The following GPC5 variants were observed in gnomAD, a reference collection of about 807,000 sequenced individuals.
GPC5 encodes glypican 5, also known as glypican-5.
Under a neutral mutation model 53.9 loss-of-function variants are expected in GPC5, and 47 were observed. The observed-to-expected ratio is 0.87, with a 90% CI of 0.69 to 1.11. The LOEUF (loss-of-function observed/expected upper bound fraction) is 1.11, where lower values mean the gene tolerates loss of function less well. Among genes scored for constraint, GPC5 ranks in the 50% most tolerant of loss-of-function variants. The pLI is 0.00. For synonymous variants in GPC5, 286 were observed against 263.3 expected (o/e 1.09, Z -0.84); for missense variants, 748 against 713.1 (o/e 1.05, Z -0.56).
At chr13:91,686,707 G>T (rs73612033) in intron 2 of GPC5, among the ~76,000 whole-genome samples, 3,632 of 151,958 alleles carry the variant, frequency 0.024, 149 homozygotes, top group African/African-American at 0.082. Context: ...TCATTGTAAC[G>T]TGTGTGATAA....
chr13:92,503,772 A>C (rs1179100735), intron 7 of GPC5, among the ~76,000 whole-genome samples: 1 of 151,900 alleles, frequency 6.6e-6, no homozygotes, highest in Non-Finnish European at 1.5e-5. Context: ...AATTGCATGA[A>C]ATATATTAAT....
rs919800339 is a variant in GPC5, at chr13:91,728,513, A to T, written c.1021-19A>T. 6.2e-7 allele frequency: 1 copy of T among 1,602,716 alleles called. No homozygotes were observed. The highest frequency in any genetic ancestry group is 8.5e-7 in the Non-Finnish European group (1 of 1,174,668). ...GGAGTACGATTTCTAACTACCTTTT[A>T]ATGTTTTCTATTTAAAAGGTAAATA... On this transcript the variant is annotated intron_variant, in intron 3 of 7. Coordinates refer to ENST00000377067, the MANE Select transcript of GPC5 (RefSeq NM_004466.6).
intron 7 of GPC5, among the ~76,000 whole-genome samples, chr13:92,449,797 A>G (rs1471727244): frequency 6.6e-6 from 1 of 152,120 alleles, no homozygotes; most frequent in Non-Finnish European, 1.5e-5. Flanking sequence ...AAAACAAAAA[A>G]TTATTTAGCA....
At chr13:91,756,545 C>A (rs984036409) in intron 5 of GPC5, 125 bp downstream of exon 5, 5 of 786,984 alleles carry the variant, frequency 6.4e-6, no homozygotes, top group Non-Finnish European at 9.2e-6. Context: ...AAATACTTAT[C>A]TTTAGTTTGT....
At chr13:92,135,504 C>T (rs1302571220) in intron 6 of GPC5, among the ~76,000 whole-genome samples, 1 of 152,050 alleles carries the variant, frequency 6.6e-6, no homozygotes, top group African/African-American at 2.4e-5. Flanking sequence ...GGTATGAGGG[C>T]TTAGAAGGTG....
chr13:92,052,696 A>T (rs1286413165), intron 6 of GPC5, among the ~76,000 whole-genome samples: 1 of 152,202 alleles, frequency 6.6e-6, no homozygotes, highest in Non-Finnish European at 1.5e-5. Flanking sequence ...AGCTAGACAG[A>T]AAAGTTTTCC....
rs3059952 is a variant in GPC5, at chr13:92,009,253, CGT to C, written c.1401+101227_1401+101228del. On this transcript the variant is annotated intron_variant, in intron 6 of 7. Coordinates refer to ENST00000377067, the MANE Select transcript of GPC5 (RefSeq NM_004466.6). ...TTTTATCTGTTGAGTGCTGGATTTT[CGT>C]GTGTGTGTGTGTGTGTGTGTGTGTG... 1.5e-3 allele frequency among the ~76,000 whole-genome samples: 214 copies of C among 139,812 alleles called. 2 individuals are homozygous for C. The highest frequency in any genetic ancestry group is 6.2e-3 in the Admixed American group (86 of 13,912). The allele number at this position is 139,812 out of a possible 152,430, so 91.7% of individuals were successfully genotyped here.
At chr13:91,557,606 A>G (rs952593126) in intron 2 of GPC5, among the ~76,000 whole-genome samples, 2 of 152,228 alleles carry the variant, frequency 1.3e-5, no homozygotes, top group Admixed American at 6.5e-5. Context: ...CTTGACTCCA[A>G]TTCTCTACTG....
At chr13:91,999,130 G>C (rs2040531444) in intron 6 of GPC5, among the ~76,000 whole-genome samples, 1 of 152,058 alleles carries the variant, frequency 6.6e-6, no homozygotes, top group Non-Finnish European at 1.5e-5. Flanking sequence ...TGTGGAATCA[G>C]CTTTCCTCTC....
intron 7 of GPC5, among the ~76,000 whole-genome samples, chr13:92,173,565 A>G (rs928656605): frequency 2.6e-5 from 4 of 152,116 alleles, no homozygotes; most frequent in African/African-American, 7.2e-5. Context: ...TACTTATTCA[A>G]ATTTTGCTAA....
At chr13:91,721,636 C>T (rs1286316213) in intron 3 of GPC5, among the ~76,000 whole-genome samples, 1 of 152,170 alleles carries the variant, frequency 6.6e-6, no homozygotes, top group Admixed American at 6.5e-5. Context: ...TGCCTCTTGC[C>T]TCATCCCCCT....
intron 6 of GPC5, among the ~76,000 whole-genome samples, chr13:91,911,837 G>A (rs1367639533): frequency 6.6e-6 from 1 of 152,192 alleles, no homozygotes; most frequent in Admixed American, 6.5e-5. Context: ...AAGGTTTGGT[G>A]GGATGATAGT....
chr13:91,841,914 G>C (rs2038792310), intron 5 of GPC5, among the ~76,000 whole-genome samples: 1 of 152,130 alleles, frequency 6.6e-6, no homozygotes, highest in African/African-American at 2.4e-5. Flanking sequence ...GGACTTAGTA[G>C]TGATTCACAC....
chr13:92,312,557 T>C (rs2043152060), intron 7 of GPC5, among the ~76,000 whole-genome samples: 1 of 152,168 alleles, frequency 6.6e-6, no homozygotes, highest in African/African-American at 2.4e-5. Context: ...ATAATTTAAG[T>C]GACTGCTTAA....
chr13:91,711,357 A>G (rs2036221908), intron 3 of GPC5, among the ~76,000 whole-genome samples: 1 of 152,180 alleles, frequency 6.6e-6, no homozygotes. Context: ...TCACAAGGAC[A>G]GAAAACCAAA....
intron 7 of GPC5, among the ~76,000 whole-genome samples, chr13:92,752,425 G>A (rs762985489): frequency 1.5e-4 from 23 of 152,318 alleles, no homozygotes; most frequent in Non-Finnish European, 2.6e-4. Context: ...GCACTAAGTT[G>A]ATGGAATTGT....
chr13:91,752,596 T>C (rs1159555737), intron 4 of GPC5, among the ~76,000 whole-genome samples: 1 of 152,258 alleles, frequency 6.6e-6, no homozygotes, highest in Non-Finnish European at 1.5e-5. Context: ...TTCTTTAGTT[T>C]TCATAGTGCT....
chr13:92,503,815 A>G (rs1009253692), intron 7 of GPC5, among the ~76,000 whole-genome samples: 2 of 151,926 alleles, frequency 1.3e-5, no homozygotes, highest in African/African-American at 2.4e-5. Flanking sequence ...AAGCACAACC[A>G]AGATAACTTA....
At chr13:92,211,188 G>A (rs1198156236) in intron 7 of GPC5, among the ~76,000 whole-genome samples, 3 of 152,150 alleles carry the variant, frequency 2.0e-5, no homozygotes, top group African/African-American at 4.8e-5. Context: ...TGCAAAGTGG[G>A]AGGGCTTGGA....
Sources: allele counts gnomAD v4.1 joint callset (sites outside exome capture counted in the v4.1 genomes callset), GRCh38; gene constraint gnomAD v4.1.1; transcripts MANE v1.5; gene names NCBI Gene and HGNC (gene_info 2026-07-23, HGNC 2026-07-21).